SNRPN: variants seen among roughly 807,000 people sequenced by gnomAD.
SNRPN encodes the protein small nuclear ribonucleoprotein-associated protein N.
SNRPN carries 7 observed loss-of-function variants against 25.2 expected under a neutral mutation model. The ratio of observed to expected loss-of-function variants is 0.28; its 90% CI spans 0.16 to 0.52. The LOEUF (loss-of-function observed/expected upper bound fraction) is 0.52, where lower values mean the gene tolerates loss of function less well. Ranked by LOEUF, SNRPN falls within the 20% of genes least tolerant of loss-of-function variation. The pLI is 0.96. For synonymous variants in SNRPN, 124 were observed against 110.6 expected, an observed-to-expected ratio of 1.12 and a Z score of -0.76; for missense variants, 196 against 322.5, an observed-to-expected ratio of 0.61 and a Z score of 3.00.
chr15:24,867,443 C>G (rs990610075), intron 1 of SNRPN, among the ~76,000 whole-genome samples: 2 of 150,682 alleles, frequency 1.3e-5, no homozygotes, highest in African/African-American at 4.9e-5. Context: ...GGTGTGATCT[C>G]GGCTCACTGC....
At chr15:24,968,186 C>G in intron 3 of SNRPN, 104 bp downstream of exon 3, 2 of 730,872 alleles carry the variant, frequency 2.7e-6, no homozygotes, top group Non-Finnish European at 4.7e-6. Flanking sequence ...TTCCTTAGAG[C>G]TTCATACAAT....
At chr15:24,899,221 A>C (rs74862434) in intron 2 of SNRPN, among the ~76,000 whole-genome samples, 1,989 of 152,298 alleles carry the variant, frequency 0.013, 48 homozygotes, top group African/African-American at 0.045. Context: ...TCAACGGAAA[A>C]ATCAATGATC....
chr15:24,856,344 T>C (rs138924962), upstream of SNRPN, among the ~76,000 whole-genome samples: 705 of 152,376 alleles, frequency 4.6e-3, 6 homozygotes, highest in African/African-American at 0.016. Context: ...ATTTGCTTAG[T>C]CCATTCTTGG....
At chr15:24,921,360 A>G (rs1261179493) in intron 3 of SNRPN, 2 of 152,206 alleles carry the variant, frequency 1.3e-5, no homozygotes, top group Non-Finnish European at 2.9e-5. Flanking sequence ...AGTCCCTCTC[A>G]GAAACTGTTC....
intron 2 of SNRPN, among the ~76,000 whole-genome samples, chr15:24,837,084 T>G (rs2142492256): frequency 6.6e-6 from 1 of 152,108 alleles, no homozygotes; most frequent in Non-Finnish European, 1.5e-5. Context: ...GTATTTCCTG[T>G]ACTCCAGTAG....
At chr15:24,841,296 G>A (rs1007813761) in intron 2 of SNRPN, among the ~76,000 whole-genome samples, 4 of 152,012 alleles carry the variant, frequency 2.6e-5, no homozygotes, top group Non-Finnish European at 5.9e-5. Flanking sequence ...TTGTGTCTTA[G>A]TTCTTAGCTG....
intron 3 of SNRPN, among the ~76,000 whole-genome samples, chr15:24,943,912 C>G (rs1457530129): frequency 6.6e-6 from 1 of 152,126 alleles, no homozygotes; most frequent in Admixed American, 6.5e-5. Context: ...GCCGCTGTCT[C>G]CCAGGTTCAA....
rs188193060 is a variant in SNRPN, at chr15:24,970,492, T to C, written c.-144+2410T>C. Among the ~76,000 whole-genome samples, 226 of 152,200 alleles carry C rather than the reference T, an allele frequency of 1.5e-3. 1 individual carries two copies. Among genetic ancestry groups the C allele is most frequent in the Middle Eastern group, 6.8e-3 (2 of 294 alleles). The stretch of plus-strand genomic sequence containing the variant: ...TACTCGGGAGGCTGAGGCAGGAGAA[T>C]TTCTTGAACCCTAGGGGCAGAGGTT... On this transcript the variant is annotated intron_variant, in intron 3 of 9. Transcript: ENST00000390687.
chr15:24,978,538 C>A lies in SNRPN; in HGVS notation c.*94C>A. 9.3e-7 allele frequency: 1 copy of A among 1,072,986 alleles called. No homozygotes were observed. The highest frequency in any genetic ancestry group is 1.4e-6 in the Non-Finnish European group (1 of 692,560). 66.5% of individuals were successfully genotyped at this position (1,072,986 alleles called of 1,614,324 possible). The stretch of plus-strand genomic sequence containing the variant: ...GTGAGCTTTTTGTTCCCTCATTCTG[C>A]ATTAATAATAGCTAATAATAAATGC... On this transcript the variant is annotated 3_prime_UTR_variant, in exon 10 of 10. Transcript: ENST00000390687.
intron 1 of SNRPN, among the ~76,000 whole-genome samples, chr15:24,881,584 G>GGAGAGAGA (rs1157961647): frequency 1.7e-4 from 10 of 57,680 alleles, no homozygotes; most frequent in East Asian, 3.7e-4. Flanking sequence ...AGGGAGGGAG[G>GGAGAGAGA]GAGAGAGAGA....
At chr15:24,968,565 T>G (rs1027593865) in intron 3 of SNRPN, among the ~76,000 whole-genome samples, 7 of 152,176 alleles carry the variant, frequency 4.6e-5, no homozygotes, top group Non-Finnish European at 1.0e-4. Context: ...AAGTATTAAA[T>G]TAGTATTCAT....
At chr15:24,909,713 A>C (rs542971493) in intron 2 of SNRPN, 1 of 1,239,044 alleles carries the variant, frequency 8.1e-7, no homozygotes, top group African/African-American at 1.5e-5. Flanking sequence ...ATCCTGTATC[A>C]CCAAGCGTTT....
intron 1 of SNRPN, among the ~76,000 whole-genome samples, chr15:24,867,663 T>C (rs528044269): frequency 2.6e-5 from 4 of 152,150 alleles, no homozygotes; most frequent in Admixed American, 6.6e-5. Context: ...CGTGAGCCAC[T>C]GCGCCCGGCC....
intron 2 of SNRPN, chr15:24,909,735 A>G (rs2059089562): frequency 2.4e-6 from 3 of 1,246,364 alleles, no homozygotes; most frequent in Non-Finnish European, 3.5e-6. Context: ...CGAGTATCGT[A>G]ATCAGTTTTA....
At chr15:24,941,569 C>A (rs2153052224) in intron 3 of SNRPN, among the ~76,000 whole-genome samples, 1 of 152,202 alleles carries the variant, frequency 6.6e-6, no homozygotes, top group Middle Eastern at 3.4e-3. Context: ...GGGCTTTGGT[C>A]ACAGAGCTTG....
chr15:24,827,215 T>C (rs1326480579), intron 1 of SNRPN, among the ~76,000 whole-genome samples: 1 of 151,954 alleles, frequency 6.6e-6, no homozygotes, highest in Non-Finnish European at 1.5e-5. Context: ...TACTGTAGAT[T>C]TAAGAAACAC....
At chr15:24,895,177 C>T (rs933652379) in intron 2 of SNRPN, among the ~76,000 whole-genome samples, 2 of 152,168 alleles carry the variant, frequency 1.3e-5, no homozygotes, top group Admixed American at 6.5e-5. Flanking sequence ...CTGGGTAAAG[C>T]GTGGCAGCTC....
rs1034949467 is a variant in SNRPN, at chr15:24,837,562, G to A, written c.-579+7657G>A. Among the ~76,000 whole-genome samples the A allele has an allele frequency of 5.3e-5, 8 of 151,668 alleles. No individual in the cohort carries two copies. In the East Asian group the frequency reaches 1.6e-3, roughly 30 times the overall value. ...TTTTTTGTATTTTTGGTAGAGACGG[G>A]GTTTCACCGTGTTAGCTAGGATGGT... On this transcript the variant is annotated intron_variant, in intron 2 of 12. Coordinates refer to the SNRPN transcript ENST00000400100.
chr15:24,971,483 C>G (rs2153634291), intron 3 of SNRPN, among the ~76,000 whole-genome samples: 1 of 152,004 alleles, frequency 6.6e-6, no homozygotes, highest in South Asian at 2.1e-4. Context: ...AGGTCAACTC[C>G]TATTGTGAGT....
Sources: gnomAD v4.1 joint callset for allele counts (sites outside exome capture counted in the v4.1 genomes callset) on GRCh38, gnomAD v4.1.1 for gene constraint, MANE v1.5 for transcripts, NCBI Gene and HGNC (gene_info 2026-07-23, HGNC 2026-07-21) for gene names.